Variants in ADARB2 observed in about 807,000 individuals in gnomAD.
ADARB2 encodes the protein adenosine deaminase RNA specific B2 (inactive), also known as inactive double-stranded RNA-specific editase B2.
In ADARB2, 25 loss-of-function variants were observed where a neutral mutation model predicts 62.2. That is an observed-to-expected ratio of 0.40 (90% confidence interval 0.29 to 0.56). The LOEUF is 0.56. ADARB2 is among the 20% of genes least tolerant of loss of function. ADARB2 has a pLI of 0.43. For synonymous variants in ADARB2, 572 were observed against 500.8 expected, an observed-to-expected ratio of 1.14 and a Z score of -1.90; for missense variants, 1,071 against 1,077.4, an observed-to-expected ratio of 0.99 and a Z score of 0.08.
At chr10:1,413,263 A>AG (rs1314188195) in intron 1 of ADARB2, among the ~76,000 whole-genome samples, 2 of 151,908 alleles carry the variant, frequency 1.3e-5, no homozygotes, top group African/African-American at 2.4e-5. Context: ...TGGTGCAGGA[A>AG]GGGGGTCCCC....
At position 1,436,053 on chromosome 10, in the gene ADARB2, A is replaced by G. The variant is rs570864503; in HGVS notation, c.101-56893T>C. 2.0e-5 allele frequency among the ~76,000 whole-genome samples: 3 copies of G among 152,256 alleles called. No individual in the cohort carries two copies. In the South Asian group the frequency reaches 6.2e-4, roughly 32 times the overall value. ...AAGTCGGGAGGATGTTTGAGGCTCG[A>G]GCCCCCGTCATCACCTTTTGTAATA... is the stretch of plus-strand genomic sequence containing the variant. On this transcript the variant is annotated intron_variant, in intron 1 of 9. Transcript: ENST00000381312.
In ADARB2 at chr10:1,408,492, AG is replaced by A. The variant is rs200501534; in HGVS notation, c.101-29333del. Reference sequence around the variant, plus strand: ...GCAATAGCTGAGCGAAAGGGAGTCAAGAATGTCAGGGCTCTCGATTTCCAAA... The same window carrying A: ...GCAATAGCTGAGCGAAAGGGAGTCAAAATGTCAGGGCTCTCGATTTCCAAA... On this transcript the variant is annotated intron_variant, in intron 1 of 9. Transcript: ENST00000381312. Among the ~76,000 whole-genome samples the A allele has an allele frequency of 8.4e-3, 1,286 of 152,342 alleles. 22 individuals carry two copies. Among genetic ancestry groups the A allele is most frequent in the African/African-American group, 0.029 (1,199 of 41,566 alleles).
At chr10:1,291,583 G>GTGGAGTGAAAGCAACTGCA (rs1831466270) in intron 3 of ADARB2, 1 of 152,238 alleles carries the variant, frequency 6.6e-6, no homozygotes, top group Non-Finnish European at 1.5e-5. Flanking sequence ...GATGTCCCTG[G>GTGGAGTGAAAGCAACTGCA]TGGAGTGAAA....
chr10:1,603,796 A>C (rs1833461813), intron 1 of ADARB2, among the ~76,000 whole-genome samples: 1 of 151,404 alleles, frequency 6.6e-6, no homozygotes, highest in Non-Finnish European at 1.5e-5. Flanking sequence ...ATACAGTCAT[A>C]TATATTTTAT....
intron 5 of ADARB2, among the ~76,000 whole-genome samples, chr10:1,234,060 C>T (rs1365031225): frequency 6.6e-6 from 1 of 151,116 alleles, no homozygotes; most frequent in African/African-American, 2.4e-5. Flanking sequence ...AACCTCCACC[C>T]ACTGAGTTCA....
chr10:1,642,711 ACACT>A lies in ADARB2; in HGVS notation c.100+94336_100+94339del, dbSNP rs58921359. Among the ~76,000 whole-genome samples, 1,302 of 152,142 alleles carry A rather than the reference ACACT, an allele frequency of 8.6e-3. 15 individuals carry two copies. Among genetic ancestry groups the A allele is most frequent in the East Asian group, 0.045 (235 of 5,186 alleles). Reference sequence around the variant, plus strand: ...TAGACACTCACACACTCACACACTCACACTCACACATTTACCCACAAACTCACAT... The same window carrying A: ...TAGACACTCACACACTCACACACTCACACACATTTACCCACAAACTCACAT... On this transcript the variant is annotated intron_variant, in intron 1 of 9. Transcript: ENST00000381312.
chr10:1,461,516 T>TATA (rs1564296228), intron 1 of ADARB2, among the ~76,000 whole-genome samples: 1 of 53,932 alleles, frequency 1.9e-5, no homozygotes, highest in African/African-American at 1.0e-4. Flanking sequence ...GCATATATAT[T>TATA]TTTTTTTTTA....
At chr10:1,558,868 A>G (rs1832750285) in intron 1 of ADARB2, among the ~76,000 whole-genome samples, 1 of 151,156 alleles carries the variant, frequency 6.6e-6, no homozygotes, top group Admixed American at 6.7e-5. Context: ...AGCCATGACC[A>G]CTTCCCAGCA....
intron 5 of ADARB2, among the ~76,000 whole-genome samples, chr10:1,241,791 C>T (rs1005087883): frequency 2.6e-5 from 4 of 152,126 alleles, no homozygotes; most frequent in African/African-American, 9.7e-5. Context: ...CTGAGGGCAA[C>T]GGCGGAAAAG....
At chr10:1,414,772 C>T (rs979244764) in intron 1 of ADARB2, among the ~76,000 whole-genome samples, 9 of 152,204 alleles carry the variant, frequency 5.9e-5, no homozygotes, top group African/African-American at 2.2e-4. Context: ...TGGACTTTGT[C>T]ACCCCCATGA....
intron 4 of ADARB2, among the ~76,000 whole-genome samples, chr10:1,247,238 A>G (rs1242534741): frequency 1.3e-5 from 2 of 152,168 alleles, no homozygotes; most frequent in East Asian, 1.9e-4. Flanking sequence ...GGCTGAGACA[A>G]TGGGGTTTTC....
At chr10:1,254,091 C>A (rs533590404) in intron 4 of ADARB2, among the ~76,000 whole-genome samples, 8 of 150,498 alleles carry the variant, frequency 5.3e-5, no homozygotes, top group African/African-American at 1.5e-4. Context: ...ATGCCGCGGT[C>A]TCTGGTTAGG....
intron 3 of ADARB2, among the ~76,000 whole-genome samples, chr10:1,295,987 G>A (rs1414397380): frequency 1.3e-5 from 2 of 152,194 alleles, no homozygotes; most frequent in African/African-American, 2.4e-5. Flanking sequence ...GGGGTGGGGT[G>A]ATATTGACTG....
chr10:1,647,456 AAT>A lies in ADARB2; in HGVS notation c.100+89593_100+89594del, dbSNP rs563515167. Among the ~76,000 whole-genome samples, 208 of 152,266 alleles carry A rather than the reference AAT, an allele frequency of 1.4e-3. 2 individuals carry two copies. The highest frequency in any genetic ancestry group is 4.3e-3 in the African/African-American group (177 of 41,550). ...GTGTATACCTGTGTATATACATTTA[AAT>A]ATGTGTATATGTACGTGTGTATACT... On this transcript the variant is annotated intron_variant, in intron 1 of 9. Transcript: ENST00000381312.
intron 1 of ADARB2, among the ~76,000 whole-genome samples, chr10:1,638,912 A>G (rs1354434502): frequency 3.3e-5 from 5 of 152,208 alleles, no homozygotes; most frequent in Non-Finnish European, 5.9e-5. Flanking sequence ...CACAAGTCAC[A>G]CAGGTCTTTT....
In ADARB2 at chr10:1,645,145, G is replaced by A. The variant is rs531246449; in HGVS notation, c.100+91906C>T. ...AGGGGATCTGGCCCCCTTTGCAGGC[G>A]ATGTGGGATGACACAGGGACCAAGG... On this transcript the variant is annotated intron_variant, in intron 1 of 9. Transcript: ENST00000381312. 6.6e-5 allele frequency among the ~76,000 whole-genome samples: 10 copies of A among 152,354 alleles called. No homozygotes were observed. The East Asian group carries it at 7.7e-4, about 12-fold the overall frequency.
intron 3 of ADARB2, among the ~76,000 whole-genome samples, chr10:1,307,981 G>A (rs1421076158): frequency 6.8e-6 from 1 of 147,268 alleles, no homozygotes; most frequent in Non-Finnish European, 1.5e-5. Flanking sequence ...CCTAATGCTA[G>A]ATGACAAGTT....
chr10:1,710,984 T>C (rs935188768), intron 1 of ADARB2, among the ~76,000 whole-genome samples: 12 of 152,098 alleles, frequency 7.9e-5, no homozygotes, highest in African/African-American at 2.7e-4. Flanking sequence ...TGCTCTGCAT[T>C]TCCATGTTTG....
chr10:1,202,109 TTTG>T (rs1305265946), intron 7 of ADARB2, among the ~76,000 whole-genome samples: 4 of 80,574 alleles, frequency 5.0e-5, no homozygotes, highest in Non-Finnish European at 3.3e-5. Context: ...GTTTGTTTGT[TTTG>T]TTTTTTTTTC....
Sources: allele counts gnomAD v4.1 joint callset (sites outside exome capture counted in the v4.1 genomes callset), GRCh38; gene constraint gnomAD v4.1.1; transcripts MANE v1.5; gene names NCBI Gene and HGNC (gene_info 2026-07-23, HGNC 2026-07-21).